The following POLRMT variants were observed in gnomAD, a reference collection of about 807,000 sequenced individuals.
POLRMT encodes the protein RNA polymerase mitochondrial, also known as DNA-directed RNA polymerase, mitochondrial.
A neutral mutation model predicts 132.2 loss-of-function variants in POLRMT; 114 were observed. The ratio of observed to expected loss-of-function variants is 0.86; its 90% CI spans 0.74 to 1.01. The LOEUF (loss-of-function observed/expected upper bound fraction) is 1.01. POLRMT is among the 50% of genes least tolerant of loss of function. POLRMT has a pLI of 0.00. For missense variants in POLRMT, 2,003 were observed against 1,729.1 expected, an observed-to-expected ratio of 1.16 and a Z score of -2.81; for synonymous variants, 1,020 against 773.4, an observed-to-expected ratio of 1.32 and a Z score of -5.29.
At position 622,934 on chromosome 19, in the gene POLRMT, C is replaced by A; in HGVS notation, c.1342G>T (p.Ala448Ser). The A allele has an allele frequency of 6.2e-7, 1 of 1,612,950 alleles. No homozygotes were observed. Among genetic ancestry groups the A allele is most frequent in the Non-Finnish European group, 8.5e-7 (1 of 1,179,918 alleles). The part of the protein sequence containing the change: ...RDQWEKALCR[A>S]LRETKNRLER... ...AGGCGGTTCTTGGTCTCCCGCAGCG[C>A]CCGGCACAGTGCTTTCTCCCATTGG... The change falls in exon 7 of 21, where the codon GCG becomes TCG. Residue 448 changes from alanine to serine, a missense_variant. Coordinates refer to ENST00000588649, the MANE Select transcript of POLRMT (RefSeq NM_005035.4).
chr19:623,859 G>C (rs1984825701), intron 5 of POLRMT, among the ~76,000 whole-genome samples: 1 of 152,178 alleles, frequency 6.6e-6, no homozygotes, highest in Non-Finnish European at 1.5e-5. Flanking sequence ...GGTGATGCTG[G>C]GAGCTGGCAG....
Position 617,582 on chromosome 19 carries a change from C to G in POLRMT, c.3569G>C (p.Arg1190Pro), listed in dbSNP as rs150648879. Residue 1190 changes from arginine (R) to proline (P), a missense_variant, in exon 19 of 21, where the codon CGG (arginine) becomes CCG (proline). Arg to Pro is a moderately radical substitution (Grantham distance 103). Transcript: ENST00000588649. ...GGGAGCGCCTTACTCAGAGCAGAAC[C>G]GCTTGACCAGGAATCTGGACAGGTC... Reference protein sequence around the residue: ...LQDLSRFLVKRFCSEPQKILE... With the variant: ...LQDLSRFLVKPFCSEPQKILE... 1.9e-6 allele frequency: 3 copies of G among 1,611,900 alleles called. No individual in the cohort carries two copies. Among genetic ancestry groups the G allele is most frequent in the South Asian group, 1.1e-5 (1 of 91,060 alleles).
intron 3 of POLRMT, among the ~76,000 whole-genome samples, chr19:629,016 A>T (rs1397484604): frequency 6.6e-6 from 1 of 152,150 alleles, no homozygotes; most frequent in Non-Finnish European, 1.5e-5. Flanking sequence ...ACAAATAAAT[A>T]AACAAACAAA....
chr19:618,673 C>G (rs761739374), intron 16 of POLRMT, 32 bp downstream of exon 16: 5 of 1,604,512 alleles, frequency 3.1e-6, no homozygotes, highest in Middle Eastern at 1.7e-4. Context: ...TCCAGACCCC[C>G]GGCCAGGCCC....
intron 3 of POLRMT, among the ~76,000 whole-genome samples, chr19:628,048 C>T (rs533126906): frequency 6.6e-6 from 1 of 152,162 alleles, no homozygotes; most frequent in South Asian, 2.1e-4. Flanking sequence ...GCCTGTAATC[C>T]CAGCTGCTCG....
At chr19:628,763 G>A (rs557214470) in intron 3 of POLRMT, among the ~76,000 whole-genome samples, 23 of 152,198 alleles carry the variant, frequency 1.5e-4, no homozygotes, top group African/African-American at 4.3e-4. Context: ...TCAGCTCCTC[G>A]GGAGGCTCAG....
At chr19:631,322 T>G in intron 2 of POLRMT, among the ~76,000 whole-genome samples, 1 of 122,488 alleles carries the variant, frequency 8.2e-6, no homozygotes, top group Non-Finnish European at 1.7e-5. Flanking sequence ...AGCAGGACCC[T>G]GTCTCAAAAA....
At position 620,916 on chromosome 19, in the gene POLRMT, GAC is replaced by G; in HGVS notation, c.2640+140_2640+141del. On this transcript the variant is annotated intron_variant, in intron 10 of 20. Transcript: ENST00000588649. ...CAGGGGAGGGGGAGGGGAGGAGGAA[GAC>G]GGGCAGGGGGCGCCAGGGGAGGGGG... 26 of 141,152 alleles carry G rather than the reference GAC, an allele frequency of 1.8e-4. 10 individuals carry two copies. The highest frequency in any genetic ancestry group is 1.4e-3 in the South Asian group (7 of 5,006). 8.7% of individuals were successfully genotyped at this position (141,152 alleles called of 1,614,324 possible). A position where few individuals can be genotyped will look rare whatever the true frequency, so the allele number is the denominator to read the frequency against.
chr19:617,972 C>G (rs1269938281), intron 17 of POLRMT, 123 bp from the exon 18 acceptor site: 3 of 785,744 alleles, frequency 3.8e-6, no homozygotes, highest in Non-Finnish European at 4.2e-6. Context: ...CTCCTGCAGG[C>G]CTCGCCCCAC....
intron 3 of POLRMT, among the ~76,000 whole-genome samples, chr19:626,244 C>A (rs1181892263): frequency 6.6e-6 from 1 of 151,852 alleles, no homozygotes; most frequent in East Asian, 2.0e-4. Flanking sequence ...CTCCGCCTCC[C>A]GGGTTCAACC....
At chr19:620,561 G>A (rs936079650) in intron 10 of POLRMT, 74 bp from the exon 11 acceptor site, 24 of 1,449,134 alleles carry the variant, frequency 1.7e-5, no homozygotes, top group Middle Eastern at 1.8e-4. Flanking sequence ...TGTGTTGCGG[G>A]GAGGTGGGAA....
At chr19:626,865 T>G (rs1159772440) in intron 3 of POLRMT, among the ~76,000 whole-genome samples, 1 of 141,466 alleles carries the variant, frequency 7.1e-6, no homozygotes, top group East Asian at 2.0e-4. Flanking sequence ...TCGACAGACT[T>G]GGAGACTCTG....
chr19:626,696 C>CAAAAAAAAAAAAAAAAAAA lies in POLRMT; in HGVS notation c.823-1443_823-1442insTTTTTTTTTTTTTTTTTTT, dbSNP rs59746130. Among the ~76,000 whole-genome samples, 62 of 105,000 alleles carry CAAAAAAAAAAAAAAAAAAA rather than the reference C, an allele frequency of 5.9e-4. 3 individuals carry two copies. Among genetic ancestry groups the CAAAAAAAAAAAAAAAAAAA allele is most frequent in the African/African-American group, 2.6e-3 (61 of 23,116 alleles). The allele number at this position is 105,000 out of a possible 152,430, so 68.9% of individuals were successfully genotyped here. On this transcript the variant is annotated intron_variant, in intron 3 of 20. Transcript: ENST00000588649. ...GCCTGTGCTCCCTCCACTAAAAATA[C>CAAAAAAAAAAAAAAAAAAA]AAAAAAAAAAAAAAATTAGCTGGGC...
chr19:617,995 C>A (rs1458580659), intron 17 of POLRMT, 146 bp from the exon 18 acceptor site: 1 of 679,728 alleles, frequency 1.5e-6, no homozygotes, highest in African/African-American at 1.8e-5. Context: ...CTCGCCCCGC[C>A]CCTCCCCAAA....
intron 2 of POLRMT, among the ~76,000 whole-genome samples, chr19:631,739 T>G (rs1026634625): frequency 6.6e-6 from 1 of 151,960 alleles, no homozygotes; most frequent in Non-Finnish European, 1.5e-5. Flanking sequence ...TTGAGAGCTT[T>G]GTTTTGTTTT....
At position 619,201 on chromosome 19, in the gene POLRMT, A is replaced by C; in HGVS notation, c.3153+9T>G. On this transcript the variant is annotated intron_variant, in intron 14 of 20. Transcript: ENST00000588649. Reference sequence around the variant, plus strand: ...AGTCCTGGCCGAGCGGGGACAGGACAGGACGTACCTGGATGGCCCGGGTCC... The same window carrying C: ...AGTCCTGGCCGAGCGGGGACAGGACCGGACGTACCTGGATGGCCCGGGTCC... 6.2e-7 allele frequency: 1 copy of C among 1,611,458 alleles called. No individual in the cohort carries two copies. Among genetic ancestry groups the C allele is most frequent in the Non-Finnish European group, 8.5e-7 (1 of 1,179,354 alleles).
At chr19:630,748 G>A (rs1045408050) in intron 2 of POLRMT, among the ~76,000 whole-genome samples, 15 of 152,178 alleles carry the variant, frequency 9.9e-5, no homozygotes, top group Admixed American at 9.2e-4. Flanking sequence ...ACCGGTGGAC[G>A]CTGAGCCACT....
intron 2 of POLRMT, among the ~76,000 whole-genome samples, 186 bp downstream of exon 2, chr19:632,648 C>T (rs1985507709): frequency 6.6e-6 from 1 of 152,186 alleles, no homozygotes; most frequent in African/African-American, 2.4e-5. Flanking sequence ...AGGAAGGAGC[C>T]TGCTCAGCAA....
At chr19:620,319 C>G in intron 11 of POLRMT, 46 bp downstream of exon 11, 1 of 1,513,398 alleles carries the variant, frequency 6.6e-7, no homozygotes, top group Non-Finnish European at 8.9e-7. Flanking sequence ...AGCCCCAGGC[C>G]CAGTGCACAC....
Sources: gnomAD v4.1 joint callset for allele counts (sites outside exome capture counted in the v4.1 genomes callset) on GRCh38, gnomAD v4.1.1 for gene constraint, MANE v1.5 for transcripts, NCBI Gene and HGNC (gene_info 2026-07-23, HGNC 2026-07-21) for gene names.